Variants in TNR observed in about 807,000 individuals in gnomAD.
The protein encoded by TNR is tenascin-R.
TNR carries 45 observed loss-of-function variants against 150.4 expected under a neutral mutation model. The observed-to-expected ratio is 0.30, with a 90% confidence interval of 0.24 to 0.38. TNR has a LOEUF of 0.38. Ranked by LOEUF, TNR falls within the 10% of genes least tolerant of loss-of-function variation. The pLI is 1.00. For missense variants in TNR, 1,544 were observed against 1,759.1 expected, an observed-to-expected ratio of 0.88 and a Z score of 2.19; for synonymous variants, 687 against 678.4, an observed-to-expected ratio of 1.01 and a Z score of -0.20.
At chr1:175,446,410 G>T (rs1266179137) in intron 2 of TNR, among the ~76,000 whole-genome samples, 2 of 152,100 alleles carry the variant, frequency 1.3e-5, no homozygotes, top group Non-Finnish European at 2.9e-5. Flanking sequence ...AGTTTCCTGG[G>T]ACCAGATAGA....
At chr1:175,373,934 C>T (rs1270486552) in intron 9 of TNR, among the ~76,000 whole-genome samples, 2 of 152,198 alleles carry the variant, frequency 1.3e-5, no homozygotes, top group African/African-American at 2.4e-5. Flanking sequence ...CCCAGCTTCC[C>T]GCCCCTGGAA....
intron 20 of TNR, among the ~76,000 whole-genome samples, chr1:175,331,039 T>TTCTTTCTTTCTTTCTTTCCTTC (rs1553203243): frequency 2.2e-4 from 16 of 73,354 alleles, no homozygotes; most frequent in East Asian, 1.0e-3. Flanking sequence ...CTTTCTTTCT[T>TTCTTTCTTTCTTTCTTTCCTTC]TCTTTCTTTC....
chr1:175,572,249 C>CTCAT (rs1558013350), intron 1 of TNR, among the ~76,000 whole-genome samples: 1 of 152,204 alleles, frequency 6.6e-6, no homozygotes, highest in Non-Finnish European at 1.5e-5. Flanking sequence ...CATTCATTTG[C>CTCAT]TCATTCATTC....
chr1:175,578,117 G>T (rs990250146), intron 1 of TNR, among the ~76,000 whole-genome samples: 1 of 152,158 alleles, frequency 6.6e-6, no homozygotes, highest in African/African-American at 2.4e-5. Context: ...GACCTCTCGG[G>T]TCTGTAGTTG....
At chr1:175,490,293 C>G (rs1232104890) in intron 2 of TNR, among the ~76,000 whole-genome samples, 1 of 152,114 alleles carries the variant, frequency 6.6e-6, no homozygotes, top group Non-Finnish European at 1.5e-5. Flanking sequence ...TAGGCAATAC[C>G]ATTCAGGACA....
chr1:175,534,958 C>T (rs1660212764), intron 1 of TNR, among the ~76,000 whole-genome samples: 1 of 152,200 alleles, frequency 6.6e-6, no homozygotes. Context: ...ATACTTTTCT[C>T]TCTTGCCACC....
chr1:175,701,033 T>C (rs1284544333), intron 1 of TNR, among the ~76,000 whole-genome samples: 1 of 152,218 alleles, frequency 6.6e-6, no homozygotes, highest in Non-Finnish European at 1.5e-5. Context: ...CTGCAATTCC[T>C]TTCACTCCAC....
intron 2 of TNR, among the ~76,000 whole-genome samples, chr1:175,455,862 G>A (rs1198903618): frequency 2.0e-5 from 3 of 152,160 alleles, no homozygotes; most frequent in African/African-American, 7.2e-5. Context: ...CAACTCCCAC[G>A]GAGTCACCCT....
intron 1 of TNR, among the ~76,000 whole-genome samples, chr1:175,645,373 G>T (rs188268967): frequency 2.0e-5 from 3 of 152,304 alleles, no homozygotes; most frequent in Admixed American, 2.0e-4. Flanking sequence ...AAGATTCCCG[G>T]CAGCCATGGT....
chr1:175,706,357 C>T (rs754913092), intron 1 of TNR, among the ~76,000 whole-genome samples: 24 of 152,194 alleles, frequency 1.6e-4, no homozygotes, highest in Non-Finnish European at 3.2e-4. Context: ...TCATTACCCC[C>T]ACTCCATATT....
intron 2 of TNR, among the ~76,000 whole-genome samples, chr1:175,437,749 C>G (rs1474532382): frequency 6.6e-6 from 1 of 152,196 alleles, no homozygotes; most frequent in Non-Finnish European, 1.5e-5. Flanking sequence ...ACTATAAACA[C>G]CTCTACACAA....
intron 2 of TNR, among the ~76,000 whole-genome samples, chr1:175,479,707 A>G (rs1657695690): frequency 6.6e-6 from 1 of 152,092 alleles, no homozygotes; most frequent in African/African-American, 2.4e-5. Context: ...TCACTCACAG[A>G]GGCAACTGAA....
Position 175,426,837 on chromosome 1 carries a change from TATATATATAAAATATAA to T in TNR, c.-63-20077_-63-20061del, listed in dbSNP as rs1557926963. Among the ~76,000 whole-genome samples, 43 of 99,920 alleles carry T rather than the reference TATATATATAAAATATAA, an allele frequency of 4.3e-4. 2 individuals are homozygous for T. The highest frequency in any genetic ancestry group is 1.8e-3 in the African/African-American group (41 of 22,934). 65.6% of individuals were successfully genotyped at this position (99,920 alleles called of 152,430 possible). ...AAATATAAATATATATAAAATATATTATATATATAAAATATAAATATATATAAAATATATTATATATA... is the reference window on the plus strand; with the variant it reads ...AAATATAAATATATATAAAATATATTATATATATAAAATATATTATATATA... On this transcript the variant is annotated intron_variant, in intron 2 of 22. Transcript: ENST00000367674.
intron 1 of TNR, among the ~76,000 whole-genome samples, chr1:175,581,530 G>C (rs938468086): frequency 6.6e-6 from 1 of 152,174 alleles, no homozygotes; most frequent in Admixed American, 6.5e-5. Flanking sequence ...TCTGTTGGTT[G>C]GGAAGAGCAA....
intron 1 of TNR, among the ~76,000 whole-genome samples, chr1:175,536,029 T>C (rs770248195): frequency 6.6e-6 from 1 of 152,220 alleles, no homozygotes; most frequent in Admixed American, 6.5e-5. Flanking sequence ...TTAAGCTTAT[T>C]ACTAACTTCA....
intron 1 of TNR, among the ~76,000 whole-genome samples, chr1:175,529,914 G>A (rs16848575): frequency 0.16 from 23,745 of 151,930 alleles, 1,930 homozygotes; most frequent in African/African-American, 0.19. Context: ...AAAAACACCG[G>A]GTACTTTTGA....
intron 1 of TNR, among the ~76,000 whole-genome samples, chr1:175,691,786 T>C (rs113827376): frequency 1.2e-3 from 177 of 152,282 alleles, no homozygotes; most frequent in African/African-American, 4.1e-3. Flanking sequence ...ACAAACCTTT[T>C]CTTCAGGCTC....
intron 1 of TNR, among the ~76,000 whole-genome samples, chr1:175,673,597 C>T (rs1665768198): frequency 6.6e-6 from 1 of 152,252 alleles, no homozygotes; most frequent in Non-Finnish European, 1.5e-5. Context: ...CCTCTGAACT[C>T]AGCTCCATGC....
chr1:175,652,800 A>G (rs1196673813), intron 1 of TNR, among the ~76,000 whole-genome samples: 2 of 152,210 alleles, frequency 1.3e-5, no homozygotes, highest in East Asian at 3.8e-4. Context: ...TAAATTACCC[A>G]GTCTCAGGTA....
Sources: gnomAD v4.1 joint callset for allele counts (sites outside exome capture counted in the v4.1 genomes callset) on GRCh38, gnomAD v4.1.1 for gene constraint, MANE v1.5 for transcripts, NCBI Gene and HGNC (gene_info 2026-07-23, HGNC 2026-07-21) for gene names.